RBM11: variants seen among roughly 807,000 people sequenced by gnomAD.
RBM11 encodes splicing regulator RBM11.
A neutral mutation model predicts 21.4 loss-of-function variants in RBM11; 18 were observed. The observed-to-expected ratio is 0.84, with a 90% CI of 0.58 to 1.25. The LOEUF (loss-of-function observed/expected upper bound fraction) is 1.25, where lower values mean the gene tolerates loss of function less well. RBM11 is among the 50% of genes most tolerant of loss of function. The pLI is 0.00. For synonymous variants in RBM11, 120 were observed against 116.3 expected (o/e 1.03, Z -0.20); for missense variants, 294 against 331.9 (o/e 0.89, Z 0.89).
intron 1 of RBM11, among the ~76,000 whole-genome samples, chr21:14,216,637 C>A (rs940398656): frequency 1.3e-5 from 2 of 152,164 alleles, no homozygotes; most frequent in Admixed American, 1.3e-4. Flanking sequence ...CGCCTGACAT[C>A]CCCCAAAAGG....
intron 2 of RBM11, among the ~76,000 whole-genome samples, chr21:14,220,513 G>A (rs1978581066): frequency 6.6e-6 from 1 of 152,082 alleles, no homozygotes; most frequent in Non-Finnish European, 1.5e-5. Context: ...ATGCTTTATT[G>A]CAAAGCAAAA....
intron 3 of RBM11, among the ~76,000 whole-genome samples, chr21:14,221,673 T>C (rs1978672681): frequency 6.6e-6 from 1 of 152,178 alleles, no homozygotes; most frequent in Non-Finnish European, 1.5e-5. Flanking sequence ...GATTTATTGA[T>C]GCAATGGTAG....
chr21:14,221,762 AT>A (rs1290814867), intron 3 of RBM11, among the ~76,000 whole-genome samples: 1 of 152,218 alleles, frequency 6.6e-6, no homozygotes, highest in Non-Finnish European at 1.5e-5. Flanking sequence ...AAATGTTCAA[AT>A]TACAGCTTTT....
At chr21:14,216,651 G>A (rs1164984211) in intron 1 of RBM11, among the ~76,000 whole-genome samples, 9 of 152,192 alleles carry the variant, frequency 5.9e-5, no homozygotes, top group Non-Finnish European at 1.0e-4. Context: ...CAAAAGGAGA[G>A]GGGTCGCTTT....
chr21:14,223,771 T>G (rs535039449), intron 3 of RBM11, among the ~76,000 whole-genome samples: 10 of 152,348 alleles, frequency 6.6e-5, no homozygotes, highest in African/African-American at 2.2e-4. Flanking sequence ...ATGTATATTT[T>G]AATTCATTAA....
intron 3 of RBM11, 136 bp downstream of exon 3, chr21:14,221,305 C>T (rs564766789): frequency 1.1e-4 from 113 of 1,064,812 alleles, no homozygotes; most frequent in Middle Eastern, 6.6e-4. Context: ...CTTTTTTTTC[C>T]GAGCCCATGA....
At chr21:14,223,260 C>T (rs375370) in intron 3 of RBM11, among the ~76,000 whole-genome samples, 34,527 of 151,906 alleles carry the variant, frequency 0.23, 4,128 homozygotes, top group African/African-American at 0.31. Context: ...TTATCATGTC[C>T]CCAAAGTGAT....
intron 1 of RBM11, among the ~76,000 whole-genome samples, chr21:14,216,605 G>A (rs1229284023): frequency 6.6e-6 from 1 of 152,202 alleles, no homozygotes; most frequent in Non-Finnish European, 1.5e-5. Flanking sequence ...CCTGGTCACT[G>A]TTCTCCGTCA....
chr21:14,225,351 A>G (rs1979005373), intron 4 of RBM11, among the ~76,000 whole-genome samples: 1 of 152,170 alleles, frequency 6.6e-6, no homozygotes, highest in Admixed American at 6.5e-5. Flanking sequence ...GAGTAAACTA[A>G]ATTATTTCCA....
intron 4 of RBM11, among the ~76,000 whole-genome samples, chr21:14,225,134 G>A (rs1332608435): frequency 6.6e-6 from 1 of 152,096 alleles, no homozygotes; most frequent in Non-Finnish European, 1.5e-5. Flanking sequence ...GATGTTTGCA[G>A]AATTGCATAA....
intron 4 of RBM11, among the ~76,000 whole-genome samples, chr21:14,225,168 G>A (rs998614967): frequency 6.6e-6 from 1 of 152,122 alleles, no homozygotes; most frequent in African/African-American, 2.4e-5. Context: ...ACTTAGTGAA[G>A]TATTTTTATA....
Position 14,228,244 on chromosome 21 carries a change from A to G in RBM11, c.*951A>G, listed in dbSNP as rs1979272940. On this transcript the variant is annotated 3_prime_UTR_variant, in exon 5 of 5. Coordinates refer to ENST00000400577, the MANE Select transcript of RBM11 (RefSeq NM_144770.5). ...TTTACTAAAGCTAATTGAAAGAGTC[A>G]TGCAACTCAGTTGGGAATTAACCAC... The G allele has an allele frequency of 6.6e-6, 1 of 152,312 alleles. No homozygotes were observed. Among genetic ancestry groups the G allele is most frequent in the South Asian group, 2.1e-4 (1 of 4,830 alleles). The allele number at this position is 152,312 out of a possible 1,614,324, so 9.4% of individuals were successfully genotyped here. A position where few individuals can be genotyped will look rare whatever the true frequency, so the allele number is the denominator to read the frequency against.
chr21:14,226,551 G>T (rs777021900), intron 4 of RBM11, among the ~76,000 whole-genome samples: 2 of 150,858 alleles, frequency 1.3e-5, no homozygotes, highest in African/African-American at 4.9e-5. Flanking sequence ...CCCAGGAGGC[G>T]CAGGTTGCAG....
intron 4 of RBM11, 114 bp from the exon 5 acceptor site, chr21:14,226,766 T>C (rs1262237597): frequency 7.1e-7 from 1 of 1,409,430 alleles, no homozygotes; most frequent in Non-Finnish European, 9.5e-7. Flanking sequence ...GTCTTTCTTA[T>C]ACCAAAACAC....
At chr21:14,223,290 T>G (rs978435290) in intron 3 of RBM11, among the ~76,000 whole-genome samples, 1 of 152,262 alleles carries the variant, frequency 6.6e-6, no homozygotes, top group Non-Finnish European at 1.5e-5. Context: ...AAAATGGTGC[T>G]TATTTAACAA....
intron 2 of RBM11, among the ~76,000 whole-genome samples, chr21:14,220,215 C>T (rs548041177): frequency 1.3e-5 from 2 of 152,170 alleles, no homozygotes; most frequent in Non-Finnish European, 2.9e-5. Context: ...TGAAAGGCAA[C>T]GTAGAGTTAC....
intron 4 of RBM11, 30 bp downstream of exon 4, chr21:14,224,567 A>G: frequency 6.6e-7 from 1 of 1,526,524 alleles, no homozygotes; most frequent in African/African-American, 1.4e-5. Context: ...TATTTAGTAT[A>G]TAATATGATA....
chr21:14,227,399 A>C lies in RBM11; in HGVS notation c.*106A>C, dbSNP rs1979197035. The C allele has an allele frequency of 8.2e-7, 1 of 1,226,922 alleles. No individual in the cohort carries two copies. The highest frequency in any genetic ancestry group is 1.1e-6 in the Non-Finnish European group (1 of 898,020). 76.0% of individuals were successfully genotyped at this position (1,226,922 alleles called of 1,614,324 possible). On this transcript the variant is annotated 3_prime_UTR_variant, in exon 5 of 5. Coordinates refer to ENST00000400577, the MANE Select transcript of RBM11 (RefSeq NM_144770.5). ...AATGTCATGGCTATCTTGTCTTTTG[A>C]AATATGTAGTAATAAGACTTATCTC...
At chr21:14,217,084 A>T (rs2020462738) in intron 1 of RBM11, among the ~76,000 whole-genome samples, 1 of 152,194 alleles carries the variant, frequency 6.6e-6, no homozygotes, top group Non-Finnish European at 1.5e-5. Context: ...GATAATCTAT[A>T]AAAAGAGAAG....
Sources: allele counts gnomAD v4.1 joint callset (sites outside exome capture counted in the v4.1 genomes callset), GRCh38; gene constraint gnomAD v4.1.1; transcripts MANE v1.5; gene names NCBI Gene and HGNC (gene_info 2026-07-23, HGNC 2026-07-21).